The following TNS3 variants were observed in gnomAD, a reference collection of about 807,000 sequenced individuals.
The protein encoded by TNS3 is tensin 3.
TNS3 carries 45 observed loss-of-function variants against 140.9 expected under a neutral mutation model. The ratio of observed to expected loss-of-function variants is 0.32; its 90% CI spans 0.25 to 0.41. TNS3 has a LOEUF of 0.41. Ranked by LOEUF, TNS3 falls within the 10% of genes least tolerant of loss-of-function variation. The pLI, the probability that TNS3 is intolerant of heterozygous loss-of-function variation, is 1.00. For missense variants in TNS3, 1,716 were observed against 1,906.7 expected (o/e 0.90, Z 1.86); for synonymous variants, 815 against 788.4 (o/e 1.03, Z -0.56).
At chr7:47,378,008 T>C (rs955678966) in intron 16 of TNS3, among the ~76,000 whole-genome samples, 4 of 152,200 alleles carry the variant, frequency 2.6e-5, no homozygotes, top group African/African-American at 7.2e-5. Flanking sequence ...GGCTTGATCA[T>C]AGCTGTGTGA....
At chr7:47,510,425 T>C (rs1237481457) in intron 2 of TNS3, among the ~76,000 whole-genome samples, 1 of 152,152 alleles carries the variant, frequency 6.6e-6, no homozygotes, top group Non-Finnish European at 1.5e-5. Context: ...AGCCACCTTC[T>C]CAGGGGATGT....
intron 2 of TNS3, among the ~76,000 whole-genome samples, chr7:47,507,809 G>C (rs561008113): frequency 6.6e-6 from 1 of 152,286 alleles, no homozygotes; most frequent in East Asian, 1.9e-4. Flanking sequence ...GGGAACGTCG[G>C]GTACATGCCC....
chr7:47,348,799 A>G (rs912930103), intron 17 of TNS3, among the ~76,000 whole-genome samples: 16 of 152,350 alleles, frequency 1.1e-4, no homozygotes, highest in African/African-American at 3.8e-4. Context: ...CACTGGCTTC[A>G]GAAACTGAGG....
In TNS3 at chr7:47,467,384, T is replaced by C. The variant is rs544609378; in HGVS notation, c.-76+13719A>G. ...TTCTCTACGATTGAGTCTCCAAATA[T>C]GACAAGGTTTCCGGCAGGGACTTTT... is the stretch of plus-strand genomic sequence containing the variant. On this transcript the variant is annotated intron_variant, in intron 4 of 30. Coordinates refer to ENST00000311160, the MANE Select transcript of TNS3 (RefSeq NM_022748.12). 1.1e-4 allele frequency among the ~76,000 whole-genome samples: 16 copies of C among 152,370 alleles called. No individual in the cohort carries two copies. In the East Asian group the frequency reaches 3.1e-3, roughly 29 times the overall value.
intron 4 of TNS3, among the ~76,000 whole-genome samples, chr7:47,460,179 C>G (rs1035914047): frequency 9.5e-5 from 14 of 146,724 alleles, no homozygotes; most frequent in African/African-American, 3.6e-4. Flanking sequence ...CACCACTGCA[C>G]TCCAGCCCGG....
chr7:47,508,879 C>T (rs920962656), intron 2 of TNS3, among the ~76,000 whole-genome samples: 1 of 152,200 alleles, frequency 6.6e-6, no homozygotes, highest in Non-Finnish European at 1.5e-5. Flanking sequence ...AGGCTTCCCA[C>T]AAACAGCTGG....
intron 1 of TNS3, among the ~76,000 whole-genome samples, chr7:47,578,762 G>A (rs568001845): frequency 3.3e-5 from 5 of 152,286 alleles, no homozygotes; most frequent in South Asian, 4.1e-4. Flanking sequence ...CACGAAACTT[G>A]GAGAGTCTAG....
At chr7:47,444,246 T>A (rs181120878) in intron 4 of TNS3, among the ~76,000 whole-genome samples, 1 of 152,216 alleles carries the variant, frequency 6.6e-6, no homozygotes. Flanking sequence ...AGGATCTGAC[T>A]ATATGTGTCC....
intron 1 of TNS3, among the ~76,000 whole-genome samples, chr7:47,580,316 G>A (rs1229784053): frequency 1.3e-5 from 2 of 152,138 alleles, no homozygotes; most frequent in East Asian, 3.8e-4. Flanking sequence ...TGTAAAATGG[G>A]GTAATCATAA....
intron 28 of TNS3, among the ~76,000 whole-genome samples, chr7:47,283,376 T>C (rs967034425): frequency 2.0e-5 from 3 of 152,204 alleles, no homozygotes; most frequent in African/African-American, 7.2e-5. Context: ...TATCAGAGTG[T>C]TTTTAAGGAA....
At chr7:47,519,893 G>C (rs191542210) in intron 2 of TNS3, among the ~76,000 whole-genome samples, 1,505 of 124,916 alleles carry the variant, frequency 0.012, 16 homozygotes, top group African/African-American at 0.043. Flanking sequence ...GCACAATCTC[G>C]GCTCACTGCA....
intron 9 of TNS3, among the ~76,000 whole-genome samples, chr7:47,426,556 T>C (rs1457237769): frequency 6.6e-6 from 1 of 152,200 alleles, no homozygotes; most frequent in Non-Finnish European, 1.5e-5. Flanking sequence ...TTCTAAGTGC[T>C]TTTTGTGTAA....
chr7:47,493,527 G>A (rs1421724000), intron 3 of TNS3, among the ~76,000 whole-genome samples: 1 of 151,978 alleles, frequency 6.6e-6, no homozygotes, highest in Non-Finnish European at 1.5e-5. Context: ...TCTAAAGAAG[G>A]CTGACAAGAG....
At chr7:47,347,316 T>G (rs1789401153) in intron 17 of TNS3, among the ~76,000 whole-genome samples, 2 of 152,044 alleles carry the variant, frequency 1.3e-5, no homozygotes, top group Admixed American at 1.3e-4. Flanking sequence ...CCAAAATACA[T>G]CATGATAGTG....
chr7:47,523,571 C>T (rs1056268942), intron 2 of TNS3, among the ~76,000 whole-genome samples: 2 of 152,190 alleles, frequency 1.3e-5, no homozygotes, highest in African/African-American at 4.8e-5. Context: ...CTGTTTCCTC[C>T]CAATGCCTCC....
chr7:47,513,229 G>T (rs1291272186), intron 2 of TNS3, among the ~76,000 whole-genome samples: 1 of 152,046 alleles, frequency 6.6e-6, no homozygotes, highest in Admixed American at 6.5e-5. Flanking sequence ...GAGTGCAGTG[G>T]CATGATCATA....
In TNS3 at chr7:47,346,338, G is replaced by A. The variant is rs1371866981; in HGVS notation, c.2300C>T (p.Pro767Leu). The A allele has an allele frequency of 6.2e-7, 1 of 1,614,154 alleles. No individual in the cohort carries two copies. Among genetic ancestry groups the A allele is most frequent in the Admixed American group, 1.7e-5 (1 of 60,030 alleles). Residue 767 changes from proline (P) to leucine (L), a missense_variant, in exon 18 of 31, where the codon CCC (proline) becomes CTC (leucine). Around this residue, in one of 3 missense-constraint regions of TNS3, gnomAD observed 1,163 missense variants for 1,182.1 expected, o/e 0.98. Transcript: ENST00000311160. ...TGRQGSSAEQPLGGRLRKLSL... is the reference protein window; with the variant it reads ...TGRQGSSAEQLLGGRLRKLSL... ...CAGCTTCCTGAGTCTCCCGCCCAGG[G>A]GCTGTTCAGCAGAGGAGCCTGTTAA...
intron 4 of TNS3, among the ~76,000 whole-genome samples, chr7:47,468,313 C>A (rs1476961100): frequency 6.6e-6 from 1 of 152,098 alleles, no homozygotes; most frequent in Non-Finnish European, 1.5e-5. Context: ...TGGTGGCACA[C>A]GCATATAATC....
At position 47,278,054 on chromosome 7, in the gene TNS3, G is replaced by A. The variant is rs1413485041; in HGVS notation, c.*22C>T. 1.2e-6 allele frequency: 2 copies of A among 1,613,826 alleles called. No individual in the cohort carries two copies. The highest frequency in any genetic ancestry group is 4.5e-5 in the East Asian group (2 of 44,892). ...CCAGGGCTTCGAGAGGCATCGGTGG[G>A]TCCAGGGAGGGAGGGGAGTTCTCAG... On this transcript the variant is annotated 3_prime_UTR_variant, in exon 31 of 31. Coordinates refer to ENST00000311160, the MANE Select transcript of TNS3 (RefSeq NM_022748.12).
Sources: gnomAD v4.1 joint callset for allele counts (sites outside exome capture counted in the v4.1 genomes callset) on GRCh38, gnomAD v4.1.1 for gene constraint, gnomAD v4.1.1 regional missense constraint, MANE v1.5 for transcripts, NCBI Gene and HGNC (gene_info 2026-07-23, HGNC 2026-07-21) for gene names.